SLC36A1: variants seen among roughly 807,000 people sequenced by gnomAD.
SLC36A1 encodes proton-coupled amino acid transporter 1.
In SLC36A1, 30 loss-of-function variants were observed where a neutral mutation model predicts 47.5. That is an observed-to-expected ratio of 0.63 (90% CI 0.47 to 0.86). The LOEUF (loss-of-function observed/expected upper bound fraction) is 0.86, where lower values mean the gene tolerates loss of function less well. Ranked by LOEUF, SLC36A1 falls within the 40% of genes least tolerant of loss-of-function variation. The pLI, the probability that SLC36A1 is intolerant of heterozygous loss-of-function variation, is 0.00. For synonymous variants in SLC36A1, 255 were observed against 249.7 expected (o/e 1.02, Z -0.20); for missense variants, 517 against 606.0 (o/e 0.85, Z 1.54).
At chr5:151,404,045 C>G in the SLC36A1 span, among the ~76,000 whole-genome samples, 17 of 152,250 alleles carry the variant, frequency 1.1e-4, no homozygotes, top group Non-Finnish European at 2.4e-4. Context: ...TACTGTGTGG[C>G]TAAGTGTTTT....
chr5:151,551,976 G>GGGGTGTGTGT, the SLC36A1 span, among the ~76,000 whole-genome samples: 36 of 143,648 alleles, frequency 2.5e-4, no homozygotes, highest in East Asian at 1.4e-3. Flanking sequence ...TAACCCTAAG[G>GGGGTGTGTGT]GTGTGTGTGT....
At chr5:151,476,233 G>A (rs1162470448) in intron 8 of SLC36A1, among the ~76,000 whole-genome samples, 2 of 152,246 alleles carry the variant, frequency 1.3e-5, no homozygotes, top group Non-Finnish European at 2.9e-5. Flanking sequence ...TGCCAGGTGG[G>A]CATGACATGA....
At chr5:151,553,166 C>T in the SLC36A1 span, 21 of 1,613,944 alleles carry the variant, frequency 1.3e-5, 1 homozygote, top group South Asian at 1.6e-4. Flanking sequence ...GGGCCCTAGG[C>T]CTTGCCTCAC....
chr5:151,544,100 G>T, the SLC36A1 span: 1 of 1,614,224 alleles, frequency 6.2e-7, no homozygotes, highest in Non-Finnish European at 8.5e-7. Context: ...TGAAAGTGTT[G>T]TTGGGCTTCA....
chr5:151,464,769 T>G (rs1015234525), intron 4 of SLC36A1, among the ~76,000 whole-genome samples, 167 bp downstream of exon 4: 2 of 152,248 alleles, frequency 1.3e-5, no homozygotes, highest in Non-Finnish European at 2.9e-5. Flanking sequence ...TTTGCGTTCT[T>G]TTCTGGCTCA....
intron 1 of SLC36A1, among the ~76,000 whole-genome samples, chr5:151,450,564 G>A (rs1159400526): frequency 6.6e-6 from 1 of 152,224 alleles, no homozygotes; most frequent in Admixed American, 6.5e-5. Context: ...CATGTGGGAT[G>A]GATGGAGCAG....
At chr5:151,418,305 CA>C in the SLC36A1 span, among the ~76,000 whole-genome samples, 1 of 152,200 alleles carries the variant, frequency 6.6e-6, no homozygotes, top group Non-Finnish European at 1.5e-5. Flanking sequence ...CACCATTCTC[CA>C]GATCCCAGAA....
chr5:151,368,513 C>T, the SLC36A1 span, among the ~76,000 whole-genome samples: 1 of 152,156 alleles, frequency 6.6e-6, no homozygotes, highest in Non-Finnish European at 1.5e-5. Flanking sequence ...CCACCATATA[C>T]CCAAGAAAAA....
chr5:151,532,048 A>C, the SLC36A1 span: 1 of 1,552,894 alleles, frequency 6.4e-7, no homozygotes, highest in Admixed American at 1.8e-5. Context: ...CTGCAGCCAC[A>C]GGAGGGGCTG....
At chr5:151,502,911 C>A in the SLC36A1 span, among the ~76,000 whole-genome samples, 25,153 of 147,484 alleles carry the variant, frequency 0.17, 6,131 homozygotes, top group African/African-American at 0.47. Context: ...TTCGGCACTA[C>A]AAAGAAATGA....
chr5:151,364,162 G>A, the SLC36A1 span, among the ~76,000 whole-genome samples: 4 of 152,182 alleles, frequency 2.6e-5, no homozygotes, highest in South Asian at 4.2e-4. Context: ...TTATGGCAAC[G>A]AATGATAAAA....
the SLC36A1 span, chr5:151,549,520 G>A: frequency 1.2e-4 from 193 of 1,611,490 alleles, no homozygotes; most frequent in Middle Eastern, 6.6e-4. Context: ...GGGCCCAAAG[G>A]GGGTAATTGG....
At chr5:151,505,640 G>A in the SLC36A1 span, 2 of 1,614,156 alleles carry the variant, frequency 1.2e-6, no homozygotes, top group Admixed American at 3.3e-5. Flanking sequence ...GGGGCACCCG[G>A]GGCTGGCCCT....
rs1348344508 is a variant in SLC36A1 at position 151,447,738 on chromosome 5, T to TAACGA, written c.-81_-80insAACGA. 8 of 64,964 alleles carry TAACGA rather than the reference T, an allele frequency of 1.2e-4. No individual in the cohort carries two copies. In the African/African-American group the frequency reaches 1.5e-3, roughly 12 times the overall value. 4.0% of individuals were successfully genotyped at this position (64,964 alleles called of 1,614,324 possible). On this transcript the variant is annotated 5_prime_UTR_variant, in exon 1 of 11. Coordinates refer to ENST00000243389, the MANE Select transcript of SLC36A1 (RefSeq NM_078483.4). Reference sequence around the variant, plus strand: ...GAACCCGAGCAGTGAGTTCCTCCACTGGCTGCCGGCTGGCGGCGCTCGCCG... The same window carrying TAACGA: ...GAACCCGAGCAGTGAGTTCCTCCACTAACGAGGCTGCCGGCTGGCGGCGCTCGCCG...
At chr5:151,550,852 G>T in the SLC36A1 span, 2 of 1,613,206 alleles carry the variant, frequency 1.2e-6, no homozygotes, top group Non-Finnish European at 1.7e-6. Flanking sequence ...GTTAATGTTG[G>T]CAATCATGAA....
intron 1 of SLC36A1, among the ~76,000 whole-genome samples, chr5:151,439,274 G>A (rs1204979092): frequency 2.0e-5 from 3 of 152,120 alleles, no homozygotes; most frequent in East Asian, 1.9e-4. Flanking sequence ...ATTACAGTTC[G>A]AGATGAGATT....
the SLC36A1 span, among the ~76,000 whole-genome samples, chr5:151,397,274 A>G: frequency 1.3e-5 from 2 of 152,198 alleles, no homozygotes; most frequent in Admixed American, 6.5e-5. Flanking sequence ...CACCCCATGC[A>G]TACACATGGA....
the SLC36A1 span, among the ~76,000 whole-genome samples, chr5:151,548,360 ATAAT>A: frequency 6.6e-6 from 1 of 152,188 alleles, no homozygotes; most frequent in East Asian, 1.9e-4. Flanking sequence ...ATTATCATTA[ATAAT>A]TAGTTGGATA....
intron 1 of SLC36A1, among the ~76,000 whole-genome samples, chr5:151,438,452 C>T (rs1292048523): frequency 6.6e-6 from 1 of 151,724 alleles, no homozygotes; most frequent in Admixed American, 6.6e-5. Flanking sequence ...ACCTGGCACT[C>T]AGCACCCCCT....
Sources: allele counts gnomAD v4.1 joint callset (sites outside exome capture counted in the v4.1 genomes callset), GRCh38; gene constraint gnomAD v4.1.1; transcripts MANE v1.5; gene names NCBI Gene and HGNC (gene_info 2026-07-23, HGNC 2026-07-21).